Variants in CACNA1C observed in about 807,000 individuals in gnomAD.
CACNA1C encodes calcium voltage-gated channel subunit alpha1 C, also known as voltage-dependent L-type calcium channel subunit alpha-1C.
A neutral mutation model predicts 229.0 loss-of-function variants in CACNA1C; 30 were observed. The ratio of observed to expected loss-of-function variants is 0.13; its 90% confidence interval spans 0.10 to 0.18. The LOEUF is 0.18. CACNA1C is among the 10% of genes least tolerant of loss of function. The pLI, the probability that CACNA1C is intolerant of heterozygous loss-of-function variation, is 1.00. For synonymous variants in CACNA1C, 1,114 were observed against 1,132.5 expected (o/e 0.98, Z 0.33); for missense variants, 1,658 against 2,845.0 (o/e 0.58, Z 9.49).
chr12:2,349,376 G>A (rs1372957490), intron 3 of CACNA1C, among the ~76,000 whole-genome samples: 1 of 152,136 alleles, frequency 6.6e-6, no homozygotes, highest in Non-Finnish European at 1.5e-5. Flanking sequence ...AGACTCGCAG[G>A]GAGATTCTCT....
chr12:2,398,401 T>A (rs1183004413), intron 3 of CACNA1C, among the ~76,000 whole-genome samples: 1 of 152,250 alleles, frequency 6.6e-6, no homozygotes, highest in East Asian at 1.9e-4. Context: ...TTCCAAACTA[T>A]ATGCCCTTCA....
At chr12:2,124,616 A>G (rs921203665) in intron 3 of CACNA1C, among the ~76,000 whole-genome samples, 3 of 152,168 alleles carry the variant, frequency 2.0e-5, no homozygotes, top group Non-Finnish European at 4.4e-5. Context: ...CTGTTTGTGA[A>G]GAGAAAAAGA....
chr12:2,137,283 ACTTCT>A (rs1305274657), intron 3 of CACNA1C, among the ~76,000 whole-genome samples: 2 of 151,240 alleles, frequency 1.3e-5, no homozygotes, highest in African/African-American at 2.4e-5. Flanking sequence ...TTGTCACTTC[ACTTCT>A]CTGAGTTTTA....
At chr12:2,087,119 C>T (rs1353016294) in intron 1 of CACNA1C, among the ~76,000 whole-genome samples, 1 of 152,154 alleles carries the variant, frequency 6.6e-6, no homozygotes, top group Non-Finnish European at 1.5e-5. Flanking sequence ...CCCTCTTGGC[C>T]ATTGGTACCT....
chr12:2,115,514 C>A lies in CACNA1C; in HGVS notation c.340C>A (p.Arg114=), dbSNP rs758229132. The change falls in exon 2 of 47, where the codon CGG becomes AGG. Residue 114 remains arginine (R), a synonymous_variant. Coordinates refer to ENST00000399655, the MANE Select transcript of CACNA1C (RefSeq NM_000719.7). Reference sequence around the variant, plus strand: ...CTGCCTGACCCTGAAGAACCCCATCCGGAGGGCCTGCATCAGCATTGTCGA... The same window carrying A: ...CTGCCTGACCCTGAAGAACCCCATCAGGAGGGCCTGCATCAGCATTGTCGA... ...LLCLTLKNPI[R]RACISIVEWK... 39 of 1,613,498 alleles carry A rather than the reference C, an allele frequency of 2.4e-5. 1 individual carries two copies. In the Admixed American group the frequency reaches 5.2e-4, roughly 21 times the overall value.
At chr12:2,683,271 G>A (rs1308503515) in intron 43 of CACNA1C, among the ~76,000 whole-genome samples, 3 of 152,172 alleles carry the variant, frequency 2.0e-5, no homozygotes, top group African/African-American at 7.2e-5. Flanking sequence ...ATCAGAATGC[G>A]TCAAACGTCA....
intron 29 of CACNA1C, among the ~76,000 whole-genome samples, chr12:2,621,808 AC>A (rs1421441109): frequency 2.0e-5 from 3 of 152,140 alleles, no homozygotes; most frequent in Non-Finnish European, 4.4e-5. Context: ...ATAGAGAAGA[AC>A]AGGAAGAAAC....
chr12:2,664,513 C>T (rs1395942693), intron 34 of CACNA1C, among the ~76,000 whole-genome samples: 4 of 152,134 alleles, frequency 2.6e-5, no homozygotes, highest in Non-Finnish European at 5.9e-5. Flanking sequence ...TACTCCTGTA[C>T]AGCAGTTAAG....
chr12:2,246,246 G>T (rs1047588848), intron 3 of CACNA1C, among the ~76,000 whole-genome samples: 9 of 152,168 alleles, frequency 5.9e-5, no homozygotes, highest in African/African-American at 1.4e-4. Context: ...GGGCAGGCTC[G>T]GCAGAGCTGG....
At position 2,467,855 on chromosome 12, in the gene CACNA1C, G is replaced by A. The variant is rs1430777183; in HGVS notation, c.757+10149G>A. Among the ~76,000 whole-genome samples the A allele has an allele frequency of 2.0e-5, 3 of 152,186 alleles. No homozygotes were observed. Among genetic ancestry groups the A allele is most frequent in the Non-Finnish European group, 2.9e-5 (2 of 68,020 alleles). On this transcript the variant is annotated intron_variant, in intron 5 of 46. Coordinates refer to ENST00000399655, the MANE Select transcript of CACNA1C (RefSeq NM_000719.7). The surrounding 1 kb of genome is among the most constrained non-coding windows in gnomAD (Gnocchi z 4.6). ...CAGCTCAAGGCCCACTCAGAGTCCC[G>A]ACCCTGCTGCGACTTCTCTGTTGCC...
intron 18 of CACNA1C, among the ~76,000 whole-genome samples, chr12:2,590,396 C>T (rs954007014): frequency 1.3e-5 from 2 of 152,176 alleles, no homozygotes; most frequent in African/African-American, 2.4e-5. Flanking sequence ...AGAAAGATCC[C>T]TAATGTATTC....
chr12:2,547,393 G>A (rs941999914), intron 9 of CACNA1C: 5 of 773,974 alleles, frequency 6.5e-6, no homozygotes, highest in South Asian at 1.4e-5. Flanking sequence ...CTGACTGCGT[G>A]TGCTCTATTG....
At chr12:2,366,240 A>G (rs1164578618) in intron 3 of CACNA1C, among the ~76,000 whole-genome samples, 1 of 152,220 alleles carries the variant, frequency 6.6e-6, no homozygotes, top group Non-Finnish European at 1.5e-5. Flanking sequence ...ACTTCACTGA[A>G]CAGGTGTGAT....
intron 25 of CACNA1C, 59 bp downstream of exon 25, chr12:2,606,722 G>A: frequency 6.8e-7 from 1 of 1,469,654 alleles, no homozygotes; most frequent in Non-Finnish European, 9.4e-7. Context: ...GAGGCTGGAG[G>A]CTTGACCAGA....
chr12:2,349,756 G>A (rs991012153), intron 3 of CACNA1C, among the ~76,000 whole-genome samples: 2 of 152,156 alleles, frequency 1.3e-5, no homozygotes, highest in African/African-American at 4.8e-5. Context: ...TCTGCAGAAT[G>A]GGGATAGGAT....
chr12:2,205,153 A>T (rs12423277), intron 3 of CACNA1C, among the ~76,000 whole-genome samples: 1 of 151,834 alleles, frequency 6.6e-6, no homozygotes, highest in Admixed American at 6.5e-5. Context: ...TGGTTGCCAG[A>T]CTTTCTAGAA....
At chr12:2,122,199 T>TA (rs1479600605) in intron 3 of CACNA1C, among the ~76,000 whole-genome samples, 1 of 152,174 alleles carries the variant, frequency 6.6e-6, no homozygotes, top group Admixed American at 6.5e-5. Context: ...GGCAGGTTTT[T>TA]ATCACATCAC....
At chr12:2,249,542 G>C (rs1241018052) in intron 3 of CACNA1C, among the ~76,000 whole-genome samples, 1 of 152,170 alleles carries the variant, frequency 6.6e-6, no homozygotes, top group African/African-American at 2.4e-5. Context: ...GCAGATGCCA[G>C]GTAAATGTTT....
In CACNA1C at chr12:2,484,745, T is replaced by G. The variant is rs192541833; in HGVS notation, c.758-1359T>G. On this transcript the variant is annotated intron_variant, in intron 5 of 46. Coordinates refer to ENST00000399655, the MANE Select transcript of CACNA1C (RefSeq NM_000719.7). Reference sequence around the variant, plus strand: ...GATGCCCTGAAAGCCGCTTTGCAGTTCAGTTTTCAACTTTCTTCGCGGCTC... The same window carrying G: ...GATGCCCTGAAAGCCGCTTTGCAGTGCAGTTTTCAACTTTCTTCGCGGCTC... Among the ~76,000 whole-genome samples the G allele has an allele frequency of 2.6e-3, 358 of 135,362 alleles. 2 individuals are homozygous for G. The highest frequency in any genetic ancestry group is 3.1e-3 in the Admixed American group (38 of 12,086). 88.8% of individuals were successfully genotyped at this position (135,362 alleles called of 152,430 possible). A position where few individuals can be genotyped will look rare whatever the true frequency, so the allele number is the denominator to read the frequency against.
Sources: gnomAD v4.1 joint callset for allele counts (sites outside exome capture counted in the v4.1 genomes callset) on GRCh38, gnomAD v4.1.1 for gene constraint, Gnocchi (gnomAD v3.1) non-coding constraint, MANE v1.5 for transcripts, NCBI Gene and HGNC (gene_info 2026-07-23, HGNC 2026-07-21) for gene names.